The following POM121C variants were observed in gnomAD, a reference collection of about 807,000 sequenced individuals.
POM121C encodes POM121 transmembrane nucleoporin C.
A neutral mutation model predicts 66.4 loss-of-function variants in POM121C; 20 were observed. The observed-to-expected ratio is 0.30, with a 90% CI of 0.21 to 0.44. POM121C has a LOEUF of 0.44. POM121C is among the 20% of genes least tolerant of loss of function. POM121C has a pLI of 1.00. For synonymous variants in POM121C, 286 were observed against 528.0 expected (o/e 0.54, Z 6.28); for missense variants, 580 against 1,225.7 (o/e 0.47, Z 7.87).
intron 3 of POM121C, among the ~76,000 whole-genome samples, chr7:75,464,941 AAG>A (rs1365706329): frequency 4.0e-5 from 6 of 149,130 alleles, no homozygotes; most frequent in Admixed American, 2.0e-4. Flanking sequence ...GAGCAGATGG[AAG>A]AGAGAGTCAT....
intron 10 of POM121C, chr7:75,424,851 T>C: frequency 1.9e-6 from 2 of 1,075,772 alleles, no homozygotes; most frequent in Non-Finnish European, 1.3e-6. Context: ...TCCCAGCTAC[T>C]TGGGAGGCTG....
intron 7 of POM121C, among the ~76,000 whole-genome samples, chr7:75,436,606 A>G (rs1449528689): frequency 3.9e-5 from 6 of 152,148 alleles, no homozygotes; most frequent in Admixed American, 2.0e-4. Context: ...TTCTCCTTAC[A>G]TGCTTTACAT....
intron 7 of POM121C, among the ~76,000 whole-genome samples, chr7:75,427,889 A>T (rs1334847458): frequency 6.6e-6 from 1 of 152,178 alleles, no homozygotes; most frequent in Admixed American, 6.5e-5. Context: ...TGAGGCCATC[A>T]TCAGGAAGCC....
intron 3 of POM121C, among the ~76,000 whole-genome samples, chr7:75,472,774 C>T (rs1791924024): frequency 6.6e-6 from 1 of 151,714 alleles, no homozygotes; most frequent in South Asian, 2.1e-4. Flanking sequence ...CCATTGCACT[C>T]CAGCCTGGGT....
chr7:75,420,697 A>G (rs587769330), intron 13 of POM121C: 20 of 152,220 alleles, frequency 1.3e-4, no homozygotes, highest in African/African-American at 4.6e-4. Flanking sequence ...ATCTACATTC[A>G]TCTTCCACAC....
intron 5 of POM121C, among the ~76,000 whole-genome samples, chr7:75,440,332 C>T (rs1366372963): frequency 6.6e-6 from 1 of 151,350 alleles, no homozygotes; most frequent in African/African-American, 2.4e-5. Context: ...CTTTGGGAGG[C>T]CAAGGTGGGC....
intron 3 of POM121C, among the ~76,000 whole-genome samples, chr7:75,462,052 G>A (rs1201709285): frequency 7.1e-6 from 1 of 140,736 alleles, no homozygotes; most frequent in African/African-American, 2.9e-5. Context: ...ATAATCAAAG[G>A]TTTACAATAA....
intron 5 of POM121C, among the ~76,000 whole-genome samples, chr7:75,439,557 T>C (rs12112145): frequency 0.18 from 26,741 of 152,092 alleles, 2,689 homozygotes; most frequent in Middle Eastern, 0.29. Context: ...GGCTAATTTC[T>C]TAATTTTTTG....
intron 3 of POM121C, chr7:75,442,883 C>T: frequency 1.2e-6 from 1 of 849,878 alleles, no homozygotes; most frequent in Non-Finnish European, 1.4e-6. Context: ...CTGCCTTCAA[C>T]GCCTGTTTCT....
rs1554471417 is a variant in POM121C, at chr7:75,424,519, T to TC, written c.871+6dup. On this transcript the variant is annotated splice_region_variant and intron_variant, in intron 11 of 14. Coordinates refer to ENST00000615331, the MANE Select transcript of POM121C (RefSeq NM_001099415.3). ...CTCTCGAGAGTGCAACGATCTGTGC[T>TC]CCTTACCACTCTTGTCCTCCAAGGC... is the stretch of plus-strand genomic sequence containing the variant. 2 of 1,613,354 alleles carry TC rather than the reference T, an allele frequency of 1.2e-6. No homozygotes were observed. The highest frequency in any genetic ancestry group is 1.7e-6 in the Non-Finnish European group (2 of 1,179,318).
At chr7:75,432,962 C>T (rs1563141544) in intron 7 of POM121C, among the ~76,000 whole-genome samples, 3 of 152,066 alleles carry the variant, frequency 2.0e-5, no homozygotes, top group Non-Finnish European at 4.4e-5. Flanking sequence ...AGACTGGGCA[C>T]GGTGGCTCAC....
At chr7:75,457,200 AATAAATAC>A (rs1483970418) in intron 3 of POM121C, among the ~76,000 whole-genome samples, 24 of 118,404 alleles carry the variant, frequency 2.0e-4, no homozygotes, top group East Asian at 7.7e-4. Flanking sequence ...TAAATAAATA[AATAAATAC>A]ATGAAGCAAC....
At chr7:75,432,184 CAAAAAA>C (rs57890055) in intron 7 of POM121C, among the ~76,000 whole-genome samples, 3 of 107,720 alleles carry the variant, frequency 2.8e-5, no homozygotes, top group African/African-American at 3.6e-5. Flanking sequence ...GAATCTGTCT[CAAAAAA>C]AAAAAAAAAA....
chr7:75,441,767 C>T, intron 3 of POM121C, 120 bp from the exon 4 acceptor site: 1 of 969,118 alleles, frequency 1.0e-6, no homozygotes, highest in Non-Finnish European at 1.5e-6. Context: ...TTCTACGCAA[C>T]ACAGAACACG....
chr7:75,429,173 C>T (rs1424285177), intron 7 of POM121C, among the ~76,000 whole-genome samples: 1 of 152,176 alleles, frequency 6.6e-6, no homozygotes, highest in Non-Finnish European at 1.5e-5. Flanking sequence ...CAGAATAAGA[C>T]TGCAGAGGGA....
At chr7:75,431,620 A>G (rs1392089962) in intron 7 of POM121C, among the ~76,000 whole-genome samples, 7 of 150,046 alleles carry the variant, frequency 4.7e-5, no homozygotes, top group African/African-American at 1.7e-4. Flanking sequence ...AAAAAAAAAA[A>G]AAAAAAAAGA....
intron 7 of POM121C, among the ~76,000 whole-genome samples, chr7:75,429,149 C>T (rs782524891): frequency 2.0e-5 from 3 of 152,078 alleles, no homozygotes; most frequent in Non-Finnish European, 4.4e-5. Context: ...TAGCCAAGTG[C>T]AGTAAGACAT....
intron 3 of POM121C, among the ~76,000 whole-genome samples, chr7:75,443,358 CAT>C (rs1790733016): frequency 1.5e-5 from 2 of 130,934 alleles, no homozygotes; most frequent in South Asian, 5.1e-4. Flanking sequence ...GCAGCATAAA[CAT>C]AGTTTAAAAT....
chr7:75,421,367 A>G, intron 13 of POM121C, 142 bp downstream of exon 13: 1 of 1,493,374 alleles, frequency 6.7e-7, no homozygotes, highest in Non-Finnish European at 8.9e-7. Flanking sequence ...CAAAACATGT[A>G]TCATGCCCTG....
Sources: allele counts gnomAD v4.1 joint callset (sites outside exome capture counted in the v4.1 genomes callset), GRCh38; gene constraint gnomAD v4.1.1; transcripts MANE v1.5; gene names NCBI Gene and HGNC (gene_info 2026-07-23, HGNC 2026-07-21).